LAMP5: variants seen among roughly 807,000 people sequenced by gnomAD.
The protein encoded by LAMP5 is lysosome-associated membrane glycoprotein 5.
A neutral mutation model predicts 30.2 loss-of-function variants in LAMP5; 36 were observed. The ratio of observed to expected loss-of-function variants is 1.19; its 90% confidence interval spans 0.91 to 1.57. The LOEUF (loss-of-function observed/expected upper bound fraction) is 1.57. LAMP5 is among the 40% of genes most tolerant of loss of function. LAMP5 has a pLI of 0.00. For synonymous variants in LAMP5, 149 were observed against 134.6 expected (o/e 1.11, Z -0.74); for missense variants, 377 against 354.9 (o/e 1.06, Z -0.50).
intron 5 of LAMP5, among the ~76,000 whole-genome samples, chr20:9,529,325 C>CAATTTT (rs763297009): frequency 0.016 from 2,409 of 152,166 alleles, 25 homozygotes; most frequent in Middle Eastern, 0.031. Flanking sequence ...AAAAATGAAT[C>CAATTTT]AACAATAAAA....
Position 9,516,004 on chromosome 20 carries a change from T to C in LAMP5, c.242T>C (p.Ile81Thr). The C allele has an allele frequency of 6.6e-7, 1 of 1,512,446 alleles. No homozygotes were observed. The highest frequency in any genetic ancestry group is 8.8e-7 in the Non-Finnish European group (1 of 1,133,630). 93.7% of individuals were successfully genotyped at this position (1,512,446 alleles called of 1,614,324 possible). A position where few individuals can be genotyped will look rare whatever the true frequency, so the allele number is the denominator to read the frequency against. The change falls in exon 3 of 6, where the codon ATC (isoleucine) becomes ACC (threonine). Residue 81 changes from isoleucine to threonine, a missense_variant. Ile to Thr is a moderately conservative substitution (Grantham distance 89). Coordinates refer to ENST00000246070, the MANE Select transcript of LAMP5 (RefSeq NM_012261.4). ...DVWASNYVDL[I>T]TEQADIALTR... ...GCGGGGCGTCTGTGTTCCCAGCTGA[T>C]CACAGAACAGGCCGATATCGCATTG...
intron 5 of LAMP5, among the ~76,000 whole-genome samples, chr20:9,520,072 T>G (rs535611257): frequency 1.3e-5 from 2 of 152,344 alleles, no homozygotes; most frequent in East Asian, 3.9e-4. Flanking sequence ...TTTGATCCAC[T>G]TAAAGGTCCT....
intron 5 of LAMP5, among the ~76,000 whole-genome samples, chr20:9,522,397 A>G (rs2045085004): frequency 6.6e-6 from 1 of 152,164 alleles, no homozygotes; most frequent in Non-Finnish European, 1.5e-5. Context: ...GCTGATCCAG[A>G]GAGTTTTGTA....
chr20:9,528,425 T>G (rs2045128617), intron 5 of LAMP5, among the ~76,000 whole-genome samples: 1 of 151,790 alleles, frequency 6.6e-6, no homozygotes, highest in African/African-American at 2.4e-5. Flanking sequence ...AATAGCAGAG[T>G]AGGGTGACTA....
chr20:9,517,559 A>C (rs1243684927), intron 4 of LAMP5, among the ~76,000 whole-genome samples: 9 of 150,822 alleles, frequency 6.0e-5, no homozygotes, highest in South Asian at 2.1e-4. Context: ...CTCCCACCCC[A>C]GTTTCCCCAG....
At chr20:9,519,376 C>A (rs1190916659) in intron 5 of LAMP5, among the ~76,000 whole-genome samples, 1 of 152,172 alleles carries the variant, frequency 6.6e-6, no homozygotes, top group Non-Finnish European at 1.5e-5. Flanking sequence ...TAAAATGCAG[C>A]TTCCACTCAA....
intron 5 of LAMP5, among the ~76,000 whole-genome samples, chr20:9,526,863 T>TATAC (rs2045116829): frequency 3.4e-5 from 1 of 29,272 alleles, no homozygotes; most frequent in East Asian, 3.4e-3. Context: ...TGTGTGTGTA[T>TATAC]ATATATATAT....
chr20:9,527,979 AT>A (rs2045125178), intron 5 of LAMP5, among the ~76,000 whole-genome samples: 1 of 152,218 alleles, frequency 6.6e-6, no homozygotes, highest in Non-Finnish European at 1.5e-5. Context: ...TTATAGCATA[AT>A]TTACATATAT....
chr20:9,519,393 C>T (rs2045064818), intron 5 of LAMP5, among the ~76,000 whole-genome samples: 1 of 152,146 alleles, frequency 6.6e-6, no homozygotes, highest in African/African-American at 2.4e-5. Flanking sequence ...TCAACCTATT[C>T]CAGAATAGAA....
intron 5 of LAMP5, among the ~76,000 whole-genome samples, chr20:9,525,577 G>A (rs921507909): frequency 7.2e-5 from 11 of 152,146 alleles, no homozygotes; most frequent in Non-Finnish European, 8.8e-5. Context: ...GATCTATGGA[G>A]ACCACTAAAA....
intron 5 of LAMP5, among the ~76,000 whole-genome samples, chr20:9,524,609 A>AC (rs2045100321): frequency 6.7e-6 from 1 of 149,860 alleles, no homozygotes; most frequent in African/African-American, 2.5e-5. Flanking sequence ...AAAAAAAAAA[A>AC]AAAAAAACAA....
rs1269413657 is a variant in LAMP5, at chr20:9,514,820, A to G, written c.-33A>G. The G allele has an allele frequency of 1.2e-6, 2 of 1,611,028 alleles. No individual in the cohort carries two copies. The highest frequency in any genetic ancestry group is 1.7e-6 in the Non-Finnish European group (2 of 1,177,490). On this transcript the variant is annotated 5_prime_UTR_variant, in exon 1 of 6. Coordinates refer to ENST00000246070, the MANE Select transcript of LAMP5 (RefSeq NM_012261.4). ...TTCCCTCTCTGGCGGCCTCTGCAGC[A>G]GCACAGCCGGCCTCATTCGGGGCAC... is the stretch of plus-strand genomic sequence containing the variant.
chr20:9,518,728 G>A (rs1397838612), intron 5 of LAMP5, among the ~76,000 whole-genome samples: 1 of 152,250 alleles, frequency 6.6e-6, no homozygotes, highest in East Asian at 1.9e-4. Context: ...TTGCCTTTCT[G>A]GGCCCGTTTC....
chr20:9,522,214 T>C (rs1372892684), intron 5 of LAMP5, among the ~76,000 whole-genome samples: 3 of 152,196 alleles, frequency 2.0e-5, no homozygotes, highest in Admixed American at 6.5e-5. Flanking sequence ...ATGAGCTTTT[T>C]ATTATTGTTC....
chr20:9,520,578 CGTGT>C (rs34089408), intron 5 of LAMP5, among the ~76,000 whole-genome samples: 8,964 of 144,436 alleles, frequency 0.062, 777 homozygotes, highest in African/African-American at 0.2. Context: ...TCCGTGTGTT[CGTGT>C]GTGTGTGTGT....
At chr20:9,527,129 C>G (rs186692134) in intron 5 of LAMP5, among the ~76,000 whole-genome samples, 1 of 151,850 alleles carries the variant, frequency 6.6e-6, no homozygotes, top group Non-Finnish European at 1.5e-5. Flanking sequence ...GATCAGGAAA[C>G]CGAACTGACA....
At chr20:9,516,882 A>G (rs2045044377) in intron 4 of LAMP5, among the ~76,000 whole-genome samples, 1 of 152,120 alleles carries the variant, frequency 6.6e-6, no homozygotes, top group Non-Finnish European at 1.5e-5. Flanking sequence ...ATTCTGCACC[A>G]TGTATAATTT....
chr20:9,522,825 G>C (rs1420353280), intron 5 of LAMP5, among the ~76,000 whole-genome samples: 2 of 152,142 alleles, frequency 1.3e-5, no homozygotes, highest in African/African-American at 4.8e-5. Context: ...ACTACACCTA[G>C]GTACTGGGAT....
At chr20:9,526,002 A>G (rs902465712) in intron 5 of LAMP5, among the ~76,000 whole-genome samples, 2 of 152,222 alleles carry the variant, frequency 1.3e-5, no homozygotes, top group Non-Finnish European at 2.9e-5. Context: ...ACCATGGTCT[A>G]CAGTCTGGGT....
Sources: gnomAD v4.1 joint callset for allele counts (sites outside exome capture counted in the v4.1 genomes callset) on GRCh38, gnomAD v4.1.1 for gene constraint, MANE v1.5 for transcripts, NCBI Gene and HGNC (gene_info 2026-07-23, HGNC 2026-07-21) for gene names.